TMEM132E: variants seen among roughly 807,000 people sequenced by gnomAD.
TMEM132E encodes transmembrane protein 132E.
A neutral mutation model predicts 78.5 loss-of-function variants in TMEM132E; 49 were observed. The ratio of observed to expected loss-of-function variants is 0.62; its 90% CI spans 0.50 to 0.79. The LOEUF (loss-of-function observed/expected upper bound fraction) is 0.79. TMEM132E is among the 30% of genes least tolerant of loss of function. The pLI is 0.00. For synonymous variants in TMEM132E, 715 were observed against 670.6 expected, an observed-to-expected ratio of 1.07 and a Z score of -1.02; for missense variants, 1,403 against 1,470.9, an observed-to-expected ratio of 0.95 and a Z score of 0.75.
intron 1 of TMEM132E, among the ~76,000 whole-genome samples, chr17:34,596,061 C>CAA (rs1199783569): frequency 5.7e-5 from 4 of 70,510 alleles, no homozygotes; most frequent in African/African-American, 1.7e-4. Context: ...CACACACACA[C>CAA]ACACACGCAC....
rs576232998 is a variant in TMEM132E at position 34,613,726 on chromosome 17, C to A, written c.68-12401C>A. ...CTTATTGCGGGGGTCTCTCTCCCTC[C>A]CCCAGCCCTCCATGGGTAGGTAGCC... On this transcript the variant is annotated intron_variant, in intron 1 of 8. Coordinates refer to ENST00000631683, the MANE Select transcript of TMEM132E (RefSeq NM_001304438.2). 7.9e-5 allele frequency among the ~76,000 whole-genome samples: 12 copies of A among 152,188 alleles called. 1 individual carries two copies. Among genetic ancestry groups the A allele is most frequent in the African/African-American group, 2.9e-4 (12 of 41,492 alleles).
At chr17:34,615,752 T>A (rs16970095) in intron 1 of TMEM132E, among the ~76,000 whole-genome samples, 6,067 of 151,392 alleles carry the variant, frequency 0.04, 359 homozygotes, top group East Asian at 0.17. Context: ...TGGGTTCACA[T>A]ATAGGAGAGA....
intron 1 of TMEM132E, among the ~76,000 whole-genome samples, chr17:34,602,937 C>G (rs1394202864): frequency 6.6e-6 from 1 of 152,164 alleles, no homozygotes; most frequent in Non-Finnish European, 1.5e-5. Context: ...TGCCAGTTGC[C>G]TCTCCAAGAT....
Position 34,638,066 on chromosome 17 carries a change from C to T in TMEM132E, c.3059C>T (p.Thr1020Met), listed in dbSNP as rs2142089982. The change falls in exon 9 of 9, where the codon ACG becomes ATG. Residue 1020 changes from threonine (T) to methionine (M), a missense_variant. Thr to Met is a moderately conservative substitution (Grantham distance 81). Coordinates refer to ENST00000631683, the MANE Select transcript of TMEM132E (RefSeq NM_001304438.2). The part of the protein sequence containing the change: ...RKRVKFTTFT[T>M]LPSEELAYDS... ...CGGGTCAAGTTCACCACCTTCACCA[C>T]GCTGCCGTCAGAGGAGCTGGCCTAT... 1 of 1,582,144 alleles carries T rather than the reference C, an allele frequency of 6.3e-7. No homozygotes were observed. Among genetic ancestry groups the T allele is most frequent in the African/African-American group, 1.3e-5 (1 of 74,566 alleles).
Position 34,636,162 on chromosome 17 carries a change from C to T in TMEM132E, c.2133C>T (p.Thr711=). The T allele has an allele frequency of 1.3e-6, 2 of 1,552,682 alleles. No individual in the cohort carries two copies. The highest frequency in any genetic ancestry group is 1.4e-5 in the African/African-American group (1 of 71,592). Reference sequence around the variant, plus strand: ...GGAGCAGCCACACCATCCTAGCCACCACAGCTGCCCAACAGACCTTGAGCT... The same window carrying T: ...GGAGCAGCCACACCATCCTAGCCACTACAGCTGCCCAACAGACCTTGAGCT... ...SPGSSHTILA[T]TAAQQTLSFL... is the part of the protein sequence containing the mutation. The change falls in exon 8 of 9, where the codon ACC becomes ACT. Residue 711 remains threonine (T), a synonymous_variant. Transcript: ENST00000631683.
At chr17:34,594,041 T>C (rs1472602462) in intron 1 of TMEM132E, among the ~76,000 whole-genome samples, 1 of 152,098 alleles carries the variant, frequency 6.6e-6, no homozygotes, top group Non-Finnish European at 1.5e-5. Context: ...CCCTCCCTGG[T>C]CCCCCTCTAT....
intron 1 of TMEM132E, among the ~76,000 whole-genome samples, chr17:34,591,106 G>T (rs956003565): frequency 6.6e-6 from 1 of 152,162 alleles, no homozygotes; most frequent in Admixed American, 6.5e-5. Flanking sequence ...AAGGTGAGGA[G>T]CCCACAGCAC....
At chr17:34,615,202 G>T (rs1478176168) in intron 1 of TMEM132E, among the ~76,000 whole-genome samples, 1 of 150,018 alleles carries the variant, frequency 6.7e-6, no homozygotes, top group Non-Finnish European at 1.5e-5. Flanking sequence ...CAGCTTCTTG[G>T]GGTCTCATGG....
chr17:34,632,703 G>C lies in TMEM132E; in HGVS notation c.1483-1G>C. On this transcript the variant is annotated splice_acceptor_variant, in intron 5 of 8. Coordinates refer to ENST00000631683, the MANE Select transcript of TMEM132E (RefSeq NM_001304438.2). LOFTEE classifies it high-confidence loss of function. ...TGCCAACTGTTCCTCCCTTCCCCCA[G>C]GTATCCAGCAGCTGTGACTACGTGT... The C allele has an allele frequency of 6.2e-7, 1 of 1,614,142 alleles. No individual in the cohort carries two copies. Among genetic ancestry groups the C allele is most frequent in the Non-Finnish European group, 8.5e-7 (1 of 1,180,024 alleles).
At chr17:34,601,974 TG>T (rs1252494744) in intron 1 of TMEM132E, among the ~76,000 whole-genome samples, 7 of 152,238 alleles carry the variant, frequency 4.6e-5, no homozygotes, top group African/African-American at 1.7e-4. Context: ...CCCCAGCATT[TG>T]GACTCACAGT....
At chr17:34,631,810 C>G (rs1348915314) in intron 5 of TMEM132E, among the ~76,000 whole-genome samples, 1 of 152,220 alleles carries the variant, frequency 6.6e-6, no homozygotes, top group Non-Finnish European at 1.5e-5. Flanking sequence ...GACCATGCAC[C>G]CATGGACGTG....
At chr17:34,621,633 C>T (rs1449916000) in intron 1 of TMEM132E, among the ~76,000 whole-genome samples, 2 of 152,194 alleles carry the variant, frequency 1.3e-5, no homozygotes, top group Non-Finnish European at 2.9e-5. Context: ...ACCCAAATGA[C>T]TGAAGACCAA....
intron 1 of TMEM132E, among the ~76,000 whole-genome samples, chr17:34,591,027 G>A (rs375093623): frequency 1.1e-4 from 17 of 152,258 alleles, no homozygotes; most frequent in Non-Finnish European, 2.2e-4. Flanking sequence ...TGACTCTGCC[G>A]CTTACCAGCA....
chr17:34,631,883 C>G (rs768227306), intron 5 of TMEM132E, among the ~76,000 whole-genome samples: 1 of 152,176 alleles, frequency 6.6e-6, no homozygotes, highest in African/African-American at 2.4e-5. Flanking sequence ...CAGGTGTGTG[C>G]GTGGGCATAT....
chr17:34,623,016 G>A (rs764208836), intron 1 of TMEM132E, among the ~76,000 whole-genome samples: 1 of 152,046 alleles, frequency 6.6e-6, no homozygotes, highest in African/African-American at 2.4e-5. Flanking sequence ...GAGGGGGAGA[G>A]AAACATTGAA....
intron 1 of TMEM132E, among the ~76,000 whole-genome samples, chr17:34,613,753 A>G (rs759720496): frequency 2.0e-5 from 3 of 151,932 alleles, no homozygotes; most frequent in Admixed American, 1.3e-4. Context: ...TAGGTAGCCC[A>G]GCAGAGCAGG....
intron 1 of TMEM132E, among the ~76,000 whole-genome samples, chr17:34,625,700 T>A (rs185615667): frequency 1.3e-5 from 2 of 152,242 alleles, no homozygotes; most frequent in African/African-American, 4.8e-5. Context: ...CAGGGACTCT[T>A]TTCAGCACCA....
chr17:34,581,043 G>A lies in TMEM132E; in HGVS notation c.-34G>A. ...TGGGGCCAAGTCGTCGTCGACTGTT[G>A]CTCTCTCGGACCCCTCCCGCCCCCG... On this transcript the variant is annotated 5_prime_UTR_variant, in exon 1 of 9. Transcript: ENST00000631683. 1.3e-6 allele frequency: 2 copies of A among 1,524,042 alleles called. No homozygotes were observed. Among genetic ancestry groups the A allele is most frequent in the Non-Finnish European group, 1.8e-6 (2 of 1,139,770 alleles). 94.4% of individuals were successfully genotyped at this position (1,524,042 alleles called of 1,614,324 possible).
intron 1 of TMEM132E, among the ~76,000 whole-genome samples, chr17:34,590,591 C>T (rs1327777786): frequency 2.0e-5 from 3 of 151,940 alleles, no homozygotes; most frequent in Non-Finnish European, 4.4e-5. Context: ...TTGTCTGATA[C>T]CCTGGATAAG....
Sources: allele counts gnomAD v4.1 joint callset (sites outside exome capture counted in the v4.1 genomes callset), GRCh38; gene constraint gnomAD v4.1.1; transcripts MANE v1.5; gene names NCBI Gene and HGNC (gene_info 2026-07-23, HGNC 2026-07-21).